TAF6: variants seen among roughly 807,000 people sequenced by gnomAD.
TAF6 encodes the protein TATA-box binding protein associated factor 6, also known as transcription initiation factor TFIID subunit 6.
Under a neutral mutation model 73.5 loss-of-function variants are expected in TAF6, and 50 were observed. That is an observed-to-expected ratio of 0.68 (90% CI 0.54 to 0.86). The LOEUF (loss-of-function observed/expected upper bound fraction) is 0.86, where lower values mean the gene tolerates loss of function less well. TAF6 is among the 40% of genes least tolerant of loss of function. The pLI is 0.00. For missense variants in TAF6, 768 were observed against 899.5 expected, an observed-to-expected ratio of 0.85 and a Z score of 1.87; for synonymous variants, 424 against 376.7, an observed-to-expected ratio of 1.13 and a Z score of -1.45.
In TAF6 at chr7:100,111,772, C is replaced by A; in HGVS notation, c.856G>T (p.Val286Leu). ...LALLIYLMRM[V>L]KALMDNPTLY... ...GTGGGGTTGTCCATCAGCGCTTTCA[C>A]CATACGCATCAGGTAGATGAGTAGG... Residue 286 changes from valine (V) to leucine (L), a missense_variant, in exon 9 of 15, where the codon GTG becomes TTG. Val to Leu is a conservative substitution (Grantham distance 32). This residue lies in a region of TAF6 where 78 missense variants were observed against 153.4 expected (regional missense o/e 0.51). Transcript: ENST00000453269. 6.2e-7 allele frequency: 1 copy of A among 1,614,172 alleles called. No homozygotes were observed. Among genetic ancestry groups the A allele is most frequent in the Non-Finnish European group, 8.5e-7 (1 of 1,180,030 alleles).
At position 100,113,652 on chromosome 7, in the gene TAF6, G is replaced by A. The variant is rs1797404220; in HGVS notation, c.361C>T (p.Pro121Ser). 3 of 1,614,126 alleles carry A rather than the reference G, an allele frequency of 1.9e-6. No homozygotes were observed. Among genetic ancestry groups the A allele is most frequent in the Non-Finnish European group, 2.5e-6 (3 of 1,180,018 alleles). ...EVDLSDIINT[P>S]LPRVPLDVCL... is the part of the protein sequence containing the mutation. Reference sequence around the variant, plus strand: ...ACGTCCAGGGGCACCCGGGGCAGAGGGGTATTGATGATGTCGCTCAGATCA... The same window carrying A: ...ACGTCCAGGGGCACCCGGGGCAGAGAGGTATTGATGATGTCGCTCAGATCA... The change falls in exon 4 of 15, where the codon CCT becomes TCT. Residue 121 changes from proline (P) to serine (S), a missense_variant. Physicochemically the swap from Pro to Ser is moderately conservative, Grantham distance 74 (BLOSUM62 -1). Coordinates refer to ENST00000453269, the MANE Select transcript of TAF6 (RefSeq NM_139315.3).
At position 100,108,051 on chromosome 7, in the gene TAF6, C is replaced by T. The variant is rs781020439; in HGVS notation, c.1531G>A (p.Gly511Ser). 1.2e-6 allele frequency: 2 copies of T among 1,613,228 alleles called. No homozygotes were observed. Among genetic ancestry groups the T allele is most frequent in the Admixed American group, 3.3e-5 (2 of 59,844 alleles). The change falls in exon 14 of 15, where the codon GGC becomes AGC. Residue 511 changes from glycine to serine, a missense_variant. Physicochemically the swap from Gly to Ser is moderately conservative, Grantham distance 56. Coordinates refer to ENST00000453269, the MANE Select transcript of TAF6 (RefSeq NM_139315.3). Reference protein sequence around the residue: ...PRTPGLLKVPGSIALPVQTLV... With the variant: ...PRTPGLLKVPSSIALPVQTLV... ...GTCTGGACAGGAAGTGCGATGGAGC[C>T]AGGAACCTTCAGCAAGCCAGGGGTG...
At chr7:100,121,112 A>ATT (rs1798040006), upstream of TAF6, 26 of 30,718 alleles carry the variant, frequency 8.5e-4, no homozygotes, top group East Asian at 1.1e-3. Flanking sequence ...ATATATATAT[A>ATT]TATATTTTTT....
chr7:100,125,204 C>T, the TAF6 span: 1 of 290,440 alleles, frequency 3.4e-6, no homozygotes, highest in Non-Finnish European at 6.5e-6. Flanking sequence ...TCAGCAGTGG[C>T]ACTGGAGCTG....
At position 100,112,186 on chromosome 7, in the gene TAF6, G is replaced by C. The variant is rs150710794; in HGVS notation, c.642C>G (p.His214Gln). The C allele has an allele frequency of 1.2e-6, 2 of 1,614,074 alleles. No individual in the cohort carries two copies. The highest frequency in any genetic ancestry group is 4.5e-5 in the East Asian group (2 of 44,890). ...AGAGCTGCTGCTCCACAGACAACTC[G>C]TGGATGCTCCGGGGCTTCAGTCGCA... ...APLRLKPRSI[H>Q]ELSVEQQLYY... Residue 214 changes from histidine (H) to glutamine (Q), a missense_variant, in exon 7 of 15, where the codon CAC becomes CAG. Transcript: ENST00000453269.
chr7:100,122,216 G>GT (rs1798092659), upstream of TAF6: 2 of 1,610,942 alleles, frequency 1.2e-6, no homozygotes, highest in Non-Finnish European at 1.7e-6. Context: ...TGGCTGGTGT[G>GT]TTTGTCTTTT....
chr7:100,119,467 T>C, upstream of TAF6: 1 of 1,333,354 alleles, frequency 7.5e-7, no homozygotes, highest in Non-Finnish European at 9.6e-7. Context: ...TAAAAGTTTG[T>C]TTCTACATCT....
upstream of TAF6, among the ~76,000 whole-genome samples, chr7:100,124,134 C>T (rs1012170681): frequency 2.0e-5 from 3 of 148,570 alleles, no homozygotes; most frequent in Non-Finnish European, 4.5e-5. Flanking sequence ...GAGACTCCAT[C>T]TCAAAAAAAA....
At chr7:100,121,109 T>TATATATATAC (rs1407495343), upstream of TAF6, 2 of 25,952 alleles carry the variant, frequency 7.7e-5, no homozygotes, top group Admixed American at 3.4e-4. Flanking sequence ...TATATATATA[T>TATATATATAC]ATATATATTT....
intron 5 of TAF6, 27 bp from the exon 6 acceptor site, chr7:100,112,944 G>C: frequency 6.3e-7 from 1 of 1,593,032 alleles, no homozygotes; most frequent in Non-Finnish European, 8.5e-7. Flanking sequence ...CACAGCGGGA[G>C]GGGTGATGAG....
At chr7:100,119,636 T>C, upstream of TAF6, 1 of 1,601,964 alleles carries the variant, frequency 6.2e-7, no homozygotes, top group East Asian at 2.2e-5. Flanking sequence ...GCGCCGACCT[T>C]CCTCGGCTGG....
At chr7:100,121,116 A>ATTTTTTTTT (rs1163501525), upstream of TAF6, 3 of 52,800 alleles carry the variant, frequency 5.7e-5, no homozygotes, top group African/African-American at 2.9e-4. Flanking sequence ...ATATATATAT[A>ATTTTTTTTT]TTTTTTTTTT....
chr7:100,116,371 G>C (rs1345001386), intron 1 of TAF6: 1 of 152,304 alleles, frequency 6.6e-6, no homozygotes, highest in African/African-American at 2.4e-5. Flanking sequence ...AGGCACAGTG[G>C]CTCACGCCTG....
At position 100,112,816 on chromosome 7, in the gene TAF6, T is replaced by A; in HGVS notation, c.556A>T (p.Thr186Ser). ...GPLKGKGQGA[T>S]TADGKGKEKK... The stretch of plus-strand genomic sequence containing the variant: ...GACTGACCTTTGCCGTCGGCTGTGG[T>A]GGCCCCTTGACCTTTGCCCTTCAGG... The change falls in exon 6 of 15, where the codon ACC becomes TCC. Residue 186 changes from threonine to serine, a missense_variant. By Grantham distance (58) the Thr-to-Ser change is moderately conservative. Transcript: ENST00000453269. The A allele has an allele frequency of 3.1e-6, 5 of 1,613,426 alleles. No homozygotes were observed. Among genetic ancestry groups the A allele is most frequent in the Non-Finnish European group, 3.4e-6 (4 of 1,179,510 alleles).
chr7:100,119,851 G>A, upstream of TAF6: 1 of 1,611,946 alleles, frequency 6.2e-7, no homozygotes, highest in Non-Finnish European at 8.5e-7. Flanking sequence ...CGCTTGCCCA[G>A]CAAATGCGAA....
intron 1 of TAF6, among the ~76,000 whole-genome samples, chr7:100,118,091 T>C (rs192728033): frequency 8.1e-5 from 12 of 147,918 alleles, no homozygotes; most frequent in African/African-American, 3.0e-4. Flanking sequence ...CCAGGTGCAG[T>C]GGCTCACGCC....
At chr7:100,117,267 C>CTTTT (rs1181165298) in intron 1 of TAF6, among the ~76,000 whole-genome samples, 11 of 105,082 alleles carry the variant, frequency 1.0e-4, no homozygotes, top group South Asian at 3.5e-4. Context: ...AGACAGGGCT[C>CTTTT]TTTTTTTTTT....
upstream of TAF6, chr7:100,122,395 TC>T (rs1258487714): frequency 1.9e-6 from 3 of 1,614,064 alleles, no homozygotes; most frequent in Non-Finnish European, 1.7e-6. Flanking sequence ...CGTGAGTCCT[TC>T]GTGCTCCTCC....
Position 100,111,292 on chromosome 7 carries a change from G to A in TAF6, c.930C>T (p.Thr310=). 1 of 1,614,106 alleles carries A rather than the reference G, an allele frequency of 6.2e-7. No homozygotes were observed. Among genetic ancestry groups the A allele is most frequent in the Non-Finnish European group, 8.5e-7 (1 of 1,179,944 alleles). The change falls in exon 10 of 15, where the codon ACC becomes ACT. Residue 310 remains threonine (T), a synonymous_variant. Transcript: ENST00000453269. ...GGCACAACTGTCTGCTCACGATGCA[G>A]GTCATCACAGCTGGAATCAGCTCAT... is the stretch of plus-strand genomic sequence containing the variant. ...YVHELIPAVM[T]CIVSRQLCLR...
Sources: allele counts gnomAD v4.1 joint callset (sites outside exome capture counted in the v4.1 genomes callset), GRCh38; gene constraint gnomAD v4.1.1; regional missense constraint gnomAD v4.1.1; transcripts MANE v1.5; gene names NCBI Gene and HGNC (gene_info 2026-07-23, HGNC 2026-07-21).